The following MGAT4C variants were observed in gnomAD, a reference collection of about 807,000 sequenced individuals.
MGAT4C encodes alpha-1,3-mannosyl-glycoprotein 4-beta-N-acetylglucosaminyltransferase C.
MGAT4C carries 19 observed loss-of-function variants against 40.1 expected under a neutral mutation model. The observed-to-expected ratio is 0.47, with a 90% CI of 0.33 to 0.70. The LOEUF (loss-of-function observed/expected upper bound fraction) is 0.70. Ranked by LOEUF, MGAT4C falls within the 30% of genes least tolerant of loss-of-function variation. The pLI is 0.02. For missense variants in MGAT4C, 491 were observed against 563.2 expected (o/e 0.87, Z 1.30); for synonymous variants, 181 against 187.1 (o/e 0.97, Z 0.27).
intron 1 of MGAT4C, among the ~76,000 whole-genome samples, chr12:86,201,048 G>A (rs147236534): frequency 2.2e-3 from 341 of 152,250 alleles, no homozygotes; most frequent in African/African-American, 7.9e-3. Context: ...ATAAATTTCT[G>A]TTGTTTGAAA....
Position 86,319,962 on chromosome 12 carries a change from A to G in MGAT4C, c.-57+14103T>C, listed in dbSNP as rs546574185. Among the ~76,000 whole-genome samples the G allele has an allele frequency of 2.0e-5, 3 of 152,258 alleles. No homozygotes were observed. The Middle Eastern group carries it at 0.01, about 518-fold the overall frequency. The stretch of plus-strand genomic sequence containing the variant: ...AAGAAAATAAATTCACGATGTACTG[A>G]GTGAATTTAGTTTTACAGAGAACCA... On this transcript the variant is annotated intron_variant, in intron 4 of 7. Transcript: ENST00000548651.
At position 85,979,207 on chromosome 12, in the gene MGAT4C, T is replaced by C; in HGVS notation, c.*82A>G. 8.8e-7 allele frequency: 1 copy of C among 1,131,072 alleles called. No homozygotes were observed. 70.1% of individuals were successfully genotyped at this position (1,131,072 alleles called of 1,614,324 possible). A position where few individuals can be genotyped will look rare whatever the true frequency, so the allele number is the denominator to read the frequency against. On this transcript the variant is annotated 3_prime_UTR_variant, in exon 5 of 5. Transcript: ENST00000611864. ...GTTTCTTTTAACATATCCCATCCAT[T>C]GCTTTCCCTCCAAAAGACAAAGGTA...
At chr12:86,764,464 A>T (rs1476664034) in intron 1 of MGAT4C, among the ~76,000 whole-genome samples, 2 of 151,684 alleles carry the variant, frequency 1.3e-5, no homozygotes, top group African/African-American at 4.8e-5. Flanking sequence ...GACAGCAGTA[A>T]CCTCTGCAGA....
At chr12:86,794,409 T>C (rs1409976666) in intron 1 of MGAT4C, among the ~76,000 whole-genome samples, 3 of 151,834 alleles carry the variant, frequency 2.0e-5, no homozygotes, top group Non-Finnish European at 3.0e-5. Context: ...AAAGTAAAAG[T>C]GATGAGATTA....
At chr12:86,246,794 A>G (rs1395726082) in intron 1 of MGAT4C, among the ~76,000 whole-genome samples, 1 of 152,096 alleles carries the variant, frequency 6.6e-6, no homozygotes, top group East Asian at 1.9e-4. Flanking sequence ...CATGACTTCA[A>G]CTCCTAAGTA....
intron 1 of MGAT4C, among the ~76,000 whole-genome samples, chr12:86,236,067 T>C (rs920043398): frequency 3.3e-5 from 5 of 152,088 alleles, no homozygotes; most frequent in African/African-American, 1.2e-4. Context: ...GTCTAATTTA[T>C]GGCCATTTAA....
At position 85,998,266 on chromosome 12, in the gene MGAT4C, G is replaced by C. The variant is rs141939972; in HGVS notation, c.-6-8714C>G. ...CACTGGGAATCTGGGTCTCACCTAT[G>C]AAACCATTTTTTCCTCCTGGGCCTC... On this transcript the variant is annotated intron_variant, in intron 2 of 4. Transcript: ENST00000611864. 2.0e-5 allele frequency among the ~76,000 whole-genome samples: 3 copies of C among 152,252 alleles called. 1 individual carries two copies. Among genetic ancestry groups the C allele is most frequent in the African/African-American group, 7.2e-5 (3 of 41,560 alleles).
rs546548931 is a variant in MGAT4C at position 86,369,091 on chromosome 12, A to G, written c.-119-34964T>C. Among the ~76,000 whole-genome samples, 5 of 152,026 alleles carry G rather than the reference A, an allele frequency of 3.3e-5. No homozygotes were observed. In the South Asian group the frequency reaches 1.0e-3, roughly 31 times the overall value. On this transcript the variant is annotated intron_variant, in intron 3 of 7. Coordinates refer to the MGAT4C transcript ENST00000548651. The stretch of plus-strand genomic sequence containing the variant: ...TTAGAATATTATACATTTCTTTTGA[A>G]TTGCCATTTTTATTATTATGTAATA...
chr12:86,745,625 T>G (rs916010524), intron 1 of MGAT4C, among the ~76,000 whole-genome samples: 3 of 151,698 alleles, frequency 2.0e-5, no homozygotes, highest in African/African-American at 7.3e-5. Flanking sequence ...ATTTTTAGCA[T>G]GATTTGTATC....
At chr12:86,671,947 T>C (rs778973416) in intron 2 of MGAT4C, among the ~76,000 whole-genome samples, 7 of 152,042 alleles carry the variant, frequency 4.6e-5, no homozygotes, top group Non-Finnish European at 8.8e-5. Flanking sequence ...ATAATAAATA[T>C]TTTGAGAACA....
chr12:86,110,156 G>A (rs978399267), intron 1 of MGAT4C, among the ~76,000 whole-genome samples: 8 of 147,542 alleles, frequency 5.4e-5, no homozygotes, highest in Admixed American at 1.4e-4. Flanking sequence ...GATCTTTTAC[G>A]TAACATGTTA....
At chr12:86,519,981 G>A (rs1958764141) in intron 2 of MGAT4C, among the ~76,000 whole-genome samples, 1 of 152,076 alleles carries the variant, frequency 6.6e-6, no homozygotes, top group Non-Finnish European at 1.5e-5. Context: ...GCAGATCAAT[G>A]TCCTGGGATT....
chr12:86,667,298 A>G (rs997820831), intron 2 of MGAT4C, among the ~76,000 whole-genome samples: 11 of 152,234 alleles, frequency 7.2e-5, no homozygotes, highest in African/African-American at 2.7e-4. Flanking sequence ...GTCACCTAGC[A>G]GACACATGCT....
At chr12:86,578,556 GC>G (rs1315520119) in intron 2 of MGAT4C, among the ~76,000 whole-genome samples, 1 of 151,662 alleles carries the variant, frequency 6.6e-6, no homozygotes, top group Non-Finnish European at 1.5e-5. Context: ...CTTGTTATTG[GC>G]CTGTTCAGGT....
rs1030024311 is a variant in MGAT4C at position 85,965,658 on chromosome 12, G to A, written c.*13631C>T. On this transcript the variant is annotated 3_prime_UTR_variant, in exon 5 of 5. Transcript: ENST00000611864. ...CAATTGAACAAGACTACGCTGAAAG[G>A]CAGAGAAGAAGTAATTATGAACAAA... is the stretch of plus-strand genomic sequence containing the variant. 1 of 150,378 alleles carries A rather than the reference G, an allele frequency of 6.6e-6. No homozygotes were observed. Among genetic ancestry groups the A allele is most frequent in the Middle Eastern group, 3.6e-3 (1 of 278 alleles). The allele number at this position is 150,378 out of a possible 1,614,324, so 9.3% of individuals were successfully genotyped here.
intron 2 of MGAT4C, among the ~76,000 whole-genome samples, chr12:86,504,357 T>A (rs1311027467): frequency 2.0e-5 from 3 of 152,144 alleles, no homozygotes; most frequent in Non-Finnish European, 4.4e-5. Flanking sequence ...TAGAAGCAAT[T>A]ATCCATAGTA....
intron 1 of MGAT4C, among the ~76,000 whole-genome samples, chr12:86,126,302 C>T (rs1880259870): frequency 6.6e-6 from 1 of 151,604 alleles, no homozygotes; most frequent in South Asian, 2.1e-4. Context: ...CATTAGAGCA[C>T]AGCAGATAAT....
rs147721324 is a variant in MGAT4C, at chr12:86,737,757, TA to T, written c.-261-10517del. Among the ~76,000 whole-genome samples the T allele has an allele frequency of 3.5e-3, 512 of 147,530 alleles. 2 individuals carry two copies. Among genetic ancestry groups the T allele is most frequent in the African/African-American group, 0.012 (498 of 40,444 alleles). On this transcript the variant is annotated intron_variant, in intron 1 of 7. Coordinates refer to the MGAT4C transcript ENST00000548651. ...AATTCTTTCCTTCCAGTTTCCCAGT[TA>T]AAAAAAAAACAGACTTCCTTTAGTC...
intron 1 of MGAT4C, among the ~76,000 whole-genome samples, chr12:86,827,668 TAGAA>T (rs1354499832): frequency 2.0e-5 from 3 of 151,192 alleles, no homozygotes; most frequent in Non-Finnish European, 4.4e-5. Context: ...CTTAAACAAA[TAGAA>T]AGAAAGTGTT....
Sources: gnomAD v4.1 joint callset for allele counts (sites outside exome capture counted in the v4.1 genomes callset) on GRCh38, gnomAD v4.1.1 for gene constraint, MANE v1.5 for transcripts, NCBI Gene and HGNC (gene_info 2026-07-23, HGNC 2026-07-21) for gene names.